The following SLC9A1 variants were observed in gnomAD, a reference collection of about 807,000 sequenced individuals.
The protein encoded by SLC9A1 is sodium/hydrogen exchanger 1.
In SLC9A1, 22 loss-of-function variants were observed where a neutral mutation model predicts 67.9. The ratio of observed to expected loss-of-function variants is 0.32; its 90% confidence interval spans 0.23 to 0.46. The LOEUF is 0.46. Ranked by LOEUF, SLC9A1 falls within the 20% of genes least tolerant of loss-of-function variation. The pLI is 1.00. For missense variants in SLC9A1, 686 were observed against 1,094.8 expected (o/e 0.63, Z 5.27); for synonymous variants, 421 against 471.8 (o/e 0.89, Z 1.40).
chr1:27,131,745 C>CAAAAA (rs34967146), intron 1 of SLC9A1, among the ~76,000 whole-genome samples: 1 of 97,784 alleles, frequency 1.0e-5, no homozygotes, highest in African/African-American at 4.0e-5. Flanking sequence ...GACTCTGTCT[C>CAAAAA]AAAAAAAAAA....
At chr1:27,129,947 A>G (rs2083373818) in intron 1 of SLC9A1, among the ~76,000 whole-genome samples, 1 of 152,182 alleles carries the variant, frequency 6.6e-6, no homozygotes. Flanking sequence ...CATGGCCCCA[A>G]CCATGCTGCC....
chr1:27,105,513 G>A (rs1241396279), intron 5 of SLC9A1: 3 of 588,328 alleles, frequency 5.1e-6, no homozygotes, highest in Non-Finnish European at 9.2e-6. Flanking sequence ...AGTCAGGCTG[G>A]TCTCAAACTC....
Position 27,100,536 on chromosome 1 carries a change from T to C in SLC9A1, c.2219A>G (p.Lys740Arg), listed in dbSNP as rs1391822709. 6.2e-7 allele frequency: 1 copy of C among 1,614,066 alleles called. No homozygotes were observed. The highest frequency in any genetic ancestry group is 1.7e-5 in the Admixed American group (1 of 60,016). The part of the protein sequence containing the change: ...VDLVNEELKG[K>R]VLGLSRDPAK... ...AGGATCCCGGCTCAACCCTAAGACT[T>C]TGCCCTTCAGCTCTTCATTCACCAG... The change falls in exon 12 of 12, where the codon AAA (lysine) becomes AGA (arginine). Residue 740 changes from lysine (K) to arginine (R), a missense_variant. Coordinates refer to ENST00000263980, the MANE Select transcript of SLC9A1 (RefSeq NM_003047.5). This position sits in a 1 kb window ranked among gnomAD's most constrained non-coding sequence, Gnocchi z 5.6.
At chr1:27,128,957 T>TAAACAAAC (rs370209200) in intron 1 of SLC9A1, among the ~76,000 whole-genome samples, 1 of 152,008 alleles carries the variant, frequency 6.6e-6, no homozygotes, top group African/African-American at 2.4e-5. Context: ...GGAAACTCCA[T>TAAACAAAC]AAACAAACAA....
rs1039492845 is a variant in SLC9A1 at position 27,109,033 on chromosome 1, T to G, written c.1064+494A>C. On this transcript the variant is annotated intron_variant, in intron 3 of 11. Coordinates refer to ENST00000263980, the MANE Select transcript of SLC9A1 (RefSeq NM_003047.5). The surrounding 1 kb of genome is among the most constrained non-coding windows in gnomAD (Gnocchi z 5.5). The stretch of plus-strand genomic sequence containing the variant: ...TGCCTTGCTCGGCACTGGAACACCT[T>G]CACCCCTCACTGCCTCCCCACATCC... Among the ~76,000 whole-genome samples the G allele has an allele frequency of 6.6e-6, 1 of 152,036 alleles. No homozygotes were observed.
chr1:27,113,607 T>C (rs759006041), intron 2 of SLC9A1, among the ~76,000 whole-genome samples: 3 of 152,162 alleles, frequency 2.0e-5, no homozygotes, highest in South Asian at 4.1e-4. Flanking sequence ...GTGTCTCCCC[T>C]GGAAAATGAG....
intron 1 of SLC9A1, among the ~76,000 whole-genome samples, chr1:27,124,038 C>T (rs1383057083): frequency 1.3e-5 from 2 of 152,082 alleles, no homozygotes; most frequent in African/African-American, 2.4e-5. Flanking sequence ...CCCAGTGTCC[C>T]GGATGTGTGG....
At chr1:27,147,029 T>C (rs996483255) in intron 1 of SLC9A1, among the ~76,000 whole-genome samples, 1 of 151,810 alleles carries the variant, frequency 6.6e-6, no homozygotes. Flanking sequence ...ATCAGGACTT[T>C]GGGAGGCTGA....
In SLC9A1 at chr1:27,106,602, G is replaced by C. The variant is rs1244963964; in HGVS notation, c.1283-515C>G. 2.0e-5 allele frequency among the ~76,000 whole-genome samples: 3 copies of C among 152,112 alleles called. No individual in the cohort carries two copies. Among genetic ancestry groups the C allele is most frequent in the Non-Finnish European group, 4.4e-5 (3 of 68,010 alleles). On this transcript the variant is annotated intron_variant, in intron 4 of 11. Transcript: ENST00000263980. The surrounding 1 kb of genome is among the most constrained non-coding windows in gnomAD (Gnocchi z 4.3). ...AAATGTGAGGTCCTGCCAGGCTTGGGGACATGGACCTAACCCTCAGAGAGG... is the reference window on the plus strand; with the variant it reads ...AAATGTGAGGTCCTGCCAGGCTTGGCGACATGGACCTAACCCTCAGAGAGG...
rs1479828985 is a variant in SLC9A1 at position 27,107,693 on chromosome 1, A to G, written c.1237T>C (p.Phe413Leu). The change falls in exon 4 of 12, where the codon TTC (phenylalanine) becomes CTC (leucine). Residue 413 changes from phenylalanine (F) to leucine (L), a missense_variant. Transcript: ENST00000263980. ...VAGSHHWNWTFVISTLLFCLI... is the reference protein window; with the variant it reads ...VAGSHHWNWTLVISTLLFCLI... Reference sequence around the variant, plus strand: ...CAGAAGAGCAGGGTGCTGATGACGAAGGTCCAGTTCCAGTGGTGGGAGCCG... The same window carrying G: ...CAGAAGAGCAGGGTGCTGATGACGAGGGTCCAGTTCCAGTGGTGGGAGCCG... The G allele has an allele frequency of 6.4e-7, 1 of 1,572,436 alleles. No individual in the cohort carries two copies. The highest frequency in any genetic ancestry group is 1.9e-5 in the Admixed American group (1 of 52,492).
Position 27,109,491 on chromosome 1 carries a change from C to A in SLC9A1, c.1064+36G>T, listed in dbSNP as rs1259650011. The A allele has an allele frequency of 6.2e-7, 1 of 1,604,932 alleles. No individual in the cohort carries two copies. Among genetic ancestry groups the A allele is most frequent in the South Asian group, 1.1e-5 (1 of 90,812 alleles). On this transcript the variant is annotated intron_variant, in intron 3 of 11. Coordinates refer to ENST00000263980, the MANE Select transcript of SLC9A1 (RefSeq NM_003047.5). The surrounding 1 kb of genome is among the most constrained non-coding windows in gnomAD (Gnocchi z 5.5). ...CCAAGCTGGCAGCCCCCGCCCCCAC[C>A]CCGCCAAGCCCACTGCCTGCTGCAC...
chr1:27,153,360 C>T (rs1195581884), intron 1 of SLC9A1, among the ~76,000 whole-genome samples: 3 of 152,086 alleles, frequency 2.0e-5, no homozygotes, highest in Admixed American at 6.6e-5. Context: ...ATTCCTGGGC[C>T]GGAAATTGAC....
rs2083211909 is a variant in SLC9A1, at chr1:27,109,411, C to A, written c.1064+116G>T. On this transcript the variant is annotated intron_variant, in intron 3 of 11. Coordinates refer to ENST00000263980, the MANE Select transcript of SLC9A1 (RefSeq NM_003047.5). This position sits in a 1 kb window ranked among gnomAD's most constrained non-coding sequence, Gnocchi z 5.5. ...TGGAGCCTGGAGTTCATGTCTCATC[C>A]CTGGAGCTCAAGGCTGGGCCCTGGG... 4.4e-6 allele frequency: 5 copies of A among 1,140,090 alleles called. No homozygotes were observed. The highest frequency in any genetic ancestry group is 5.8e-4 in the Middle Eastern group (2 of 3,422). The allele number at this position is 1,140,090 out of a possible 1,614,324, so 70.6% of individuals were successfully genotyped here.
intron 1 of SLC9A1, among the ~76,000 whole-genome samples, chr1:27,146,468 G>A (rs187564678): frequency 8.5e-5 from 13 of 152,318 alleles, no homozygotes; most frequent in Admixed American, 6.5e-4. Flanking sequence ...ATGATTATGG[G>A]AAAAATTGAA....
chr1:27,131,411 T>G (rs1238107410), intron 1 of SLC9A1, among the ~76,000 whole-genome samples: 2 of 116,152 alleles, frequency 1.7e-5, no homozygotes, highest in African/African-American at 6.9e-5. Context: ...CTGGCCAACA[T>G]GGTGAAACCC....
chr1:27,105,450 T>A (rs1274329633), intron 5 of SLC9A1: 4 of 450,002 alleles, frequency 8.9e-6, no homozygotes, highest in Non-Finnish European at 1.6e-5. Context: ...CAGGTATGCA[T>A]CACCATGCCC....
At chr1:27,111,142 T>C (rs2083224949) in intron 2 of SLC9A1, among the ~76,000 whole-genome samples, 1 of 152,020 alleles carries the variant, frequency 6.6e-6, no homozygotes, top group Non-Finnish European at 1.5e-5. Context: ...CCCAGCTGTC[T>C]GGGGGATAGG....
At position 27,100,141 on chromosome 1, in the gene SLC9A1, G is replaced by C; in HGVS notation, c.*166C>G. The stretch of plus-strand genomic sequence containing the variant: ...GTGGGGAGGATGCTTCCCGGGAGGC[G>C]GCAGGGGAGGAGCTGTGCTGGGGTG... On this transcript the variant is annotated 3_prime_UTR_variant, in exon 12 of 12. Coordinates refer to ENST00000263980, the MANE Select transcript of SLC9A1 (RefSeq NM_003047.5). The surrounding 1 kb of genome is among the most constrained non-coding windows in gnomAD (Gnocchi z 5.6). The C allele has an allele frequency of 2.0e-6, 1 of 492,570 alleles. No individual in the cohort carries two copies. The highest frequency in any genetic ancestry group is 3.5e-6 in the Non-Finnish European group (1 of 284,874). 30.5% of individuals were successfully genotyped at this position (492,570 alleles called of 1,614,324 possible).
intron 1 of SLC9A1, among the ~76,000 whole-genome samples, chr1:27,127,883 G>A (rs950575082): frequency 1.3e-5 from 2 of 152,212 alleles, no homozygotes; most frequent in African/African-American, 4.8e-5. Context: ...CCCAGGCTGG[G>A]GATCAGGGGA....
Sources: gnomAD v4.1 joint callset for allele counts (sites outside exome capture counted in the v4.1 genomes callset) on GRCh38, gnomAD v4.1.1 for gene constraint, Gnocchi (gnomAD v3.1) non-coding constraint, MANE v1.5 for transcripts, NCBI Gene and HGNC (gene_info 2026-07-23, HGNC 2026-07-21) for gene names.